The following HS6ST3 variants were observed in gnomAD, a reference collection of about 807,000 sequenced individuals.
HS6ST3 encodes the protein heparan-sulfate 6-O-sulfotransferase 3.
A neutral mutation model predicts 36.7 loss-of-function variants in HS6ST3; 12 were observed. The ratio of observed to expected loss-of-function variants is 0.33; its 90% CI spans 0.21 to 0.53. The LOEUF is 0.53. Ranked by LOEUF, HS6ST3 falls within the 20% of genes least tolerant of loss-of-function variation. The pLI is 0.95. For missense variants in HS6ST3, 584 were observed against 640.9 expected (o/e 0.91, Z 0.96); for synonymous variants, 240 against 257.5 (o/e 0.93, Z 0.65).
chr13:96,232,230 A>G (rs1312007901), intron 1 of HS6ST3, among the ~76,000 whole-genome samples: 2 of 152,200 alleles, frequency 1.3e-5, no homozygotes, highest in African/African-American at 2.4e-5. Flanking sequence ...ACAGTTCAAC[A>G]GTGGCTATCA....
chr13:96,386,076 C>T (rs1167738817), intron 1 of HS6ST3, among the ~76,000 whole-genome samples: 1 of 152,014 alleles, frequency 6.6e-6, no homozygotes, highest in African/African-American at 2.4e-5. Context: ...AAGAGGAGAC[C>T]AGGAATAAAT....
Position 96,294,415 on chromosome 13 carries a change from T to C in HS6ST3, c.707+202846T>C, listed in dbSNP as rs183364603. The stretch of plus-strand genomic sequence containing the variant: ...ACATTATTTCTTGGTTCACCAACAA[T>C]ACCTCAAGTTAAAAGAAGGAAGTTT... On this transcript the variant is annotated intron_variant, in intron 1 of 1. Transcript: ENST00000376705. Among the ~76,000 whole-genome samples, 237 of 152,266 alleles carry C rather than the reference T, an allele frequency of 1.6e-3. 1 individual carries two copies. Among genetic ancestry groups the C allele is most frequent in the Non-Finnish European group, 2.0e-3 (133 of 68,006 alleles).
At chr13:96,714,128 G>A (rs902696629) in intron 1 of HS6ST3, among the ~76,000 whole-genome samples, 4 of 152,104 alleles carry the variant, frequency 2.6e-5, no homozygotes, top group African/African-American at 9.7e-5. Flanking sequence ...GGTAGGGAGA[G>A]ATTTCTAAAG....
At chr13:96,312,979 A>C (rs2139410082) in intron 1 of HS6ST3, among the ~76,000 whole-genome samples, 1 of 149,966 alleles carries the variant, frequency 6.7e-6, no homozygotes, top group Middle Eastern at 3.5e-3. Context: ...AAAAAAGTGA[A>C]ATTATTACAT....
chr13:96,421,020 C>T (rs1287789030), intron 1 of HS6ST3, among the ~76,000 whole-genome samples: 2 of 152,104 alleles, frequency 1.3e-5, no homozygotes, highest in African/African-American at 4.8e-5. Flanking sequence ...AATTTACTCC[C>T]TGTGATGCTT....
At chr13:96,638,913 TG>T (rs1347851676) in intron 1 of HS6ST3, among the ~76,000 whole-genome samples, 3 of 151,990 alleles carry the variant, frequency 2.0e-5, no homozygotes, top group Non-Finnish European at 2.9e-5. Context: ...TCCCATCCAT[TG>T]AGTTTTAATT....
At chr13:96,652,662 A>G (rs538752563) in intron 1 of HS6ST3, among the ~76,000 whole-genome samples, 8 of 152,002 alleles carry the variant, frequency 5.3e-5, no homozygotes, top group Non-Finnish European at 2.9e-5. Flanking sequence ...ATTGTTTTGT[A>G]TGTCTCTATG....
intron 1 of HS6ST3, among the ~76,000 whole-genome samples, chr13:96,726,638 T>A (rs1043680669): frequency 6.6e-6 from 1 of 152,178 alleles, no homozygotes; most frequent in African/African-American, 2.4e-5. Flanking sequence ...GACAATAATG[T>A]TATCTGTGGG....
chr13:96,714,972 C>G (rs918051023), intron 1 of HS6ST3, among the ~76,000 whole-genome samples: 4 of 152,024 alleles, frequency 2.6e-5, no homozygotes, highest in African/African-American at 9.7e-5. Flanking sequence ...CTCGTAACAG[C>G]ACTGGAATTA....
chr13:96,196,264 C>G (rs1345350062), intron 1 of HS6ST3, among the ~76,000 whole-genome samples: 2 of 152,166 alleles, frequency 1.3e-5, no homozygotes, highest in Non-Finnish European at 2.9e-5. Flanking sequence ...CTTATCTGGT[C>G]TCTGCCATCC....
chr13:96,545,412 G>A (rs910178764), intron 1 of HS6ST3, among the ~76,000 whole-genome samples: 4 of 152,138 alleles, frequency 2.6e-5, no homozygotes, highest in Non-Finnish European at 4.4e-5. Flanking sequence ...TCATAGGCAA[G>A]ACTATGCTTT....
chr13:96,368,516 A>ATTT (rs2055274626), intron 1 of HS6ST3, among the ~76,000 whole-genome samples: 1 of 151,258 alleles, frequency 6.6e-6, no homozygotes, highest in Non-Finnish European at 1.5e-5. Context: ...TTTTTTTAAA[A>ATTT]AAAAAACATA....
At chr13:96,703,337 T>C (rs1055078064) in intron 1 of HS6ST3, among the ~76,000 whole-genome samples, 1 of 152,216 alleles carries the variant, frequency 6.6e-6, no homozygotes, top group Non-Finnish European at 1.5e-5. Context: ...TTTTTAGTGT[T>C]AACCTGAGAA....
rs923419307 is a variant in HS6ST3 at position 96,122,831 on chromosome 13, G to A, written c.707+31262G>A. 2.0e-5 allele frequency among the ~76,000 whole-genome samples: 3 copies of A among 152,188 alleles called. No individual in the cohort carries two copies. In the East Asian group the frequency reaches 5.8e-4, roughly 29 times the overall value. ...ACAAATAGAAGGCTTCTGGGGGACA[G>A]ACCTGCTCTATCCGAGAAATACAAG... On this transcript the variant is annotated intron_variant, in intron 1 of 1. Transcript: ENST00000376705.
intron 1 of HS6ST3, among the ~76,000 whole-genome samples, chr13:96,546,938 T>A (rs1412248482): frequency 6.6e-6 from 1 of 152,214 alleles, no homozygotes; most frequent in Non-Finnish European, 1.5e-5. Context: ...GCACCTCTTG[T>A]ATTTACCTTT....
intron 1 of HS6ST3, among the ~76,000 whole-genome samples, chr13:96,399,595 A>T (rs949913998): frequency 1.3e-5 from 2 of 152,246 alleles, no homozygotes; most frequent in Non-Finnish European, 2.9e-5. Flanking sequence ...ACTTTGTACA[A>T]ATATAAATAA....
At chr13:96,139,047 T>A (rs1259992224) in intron 1 of HS6ST3, among the ~76,000 whole-genome samples, 2 of 152,184 alleles carry the variant, frequency 1.3e-5, no homozygotes, top group Non-Finnish European at 2.9e-5. Flanking sequence ...TTAGGCGATC[T>A]AAGTATACAG....
chr13:96,610,043 G>A (rs147135727), intron 1 of HS6ST3, among the ~76,000 whole-genome samples: 24 of 152,224 alleles, frequency 1.6e-4, no homozygotes, highest in African/African-American at 5.5e-4. Context: ...CACGTGGGAG[G>A]GAGGATCTCA....
At chr13:96,467,451 C>T (rs1269871740) in intron 1 of HS6ST3, among the ~76,000 whole-genome samples, 3 of 152,008 alleles carry the variant, frequency 2.0e-5, no homozygotes, top group South Asian at 2.1e-4. Context: ...TAATTGTGCC[C>T]GTGGTCATTT....
Sources: allele counts gnomAD v4.1 joint callset (sites outside exome capture counted in the v4.1 genomes callset), GRCh38; gene constraint gnomAD v4.1.1; transcripts MANE v1.5; gene names NCBI Gene and HGNC (gene_info 2026-07-23, HGNC 2026-07-21).